Variants in CDH12 observed in about 807,000 individuals in gnomAD.
The protein encoded by CDH12 is cadherin 12.
In CDH12, 41 loss-of-function variants were observed where a neutral mutation model predicts 74.1. The ratio of observed to expected loss-of-function variants is 0.55; its 90% confidence interval spans 0.43 to 0.72. The LOEUF (loss-of-function observed/expected upper bound fraction) is 0.72. CDH12 is among the 30% of genes least tolerant of loss of function. CDH12 has a pLI of 0.00. For missense variants in CDH12, 945 were observed against 977.2 expected, an observed-to-expected ratio of 0.97 and a Z score of 0.44; for synonymous variants, 399 against 355.0, an observed-to-expected ratio of 1.12 and a Z score of -1.39.
chr5:22,603,263 T>A (rs1194010343), intron 1 of CDH12, among the ~76,000 whole-genome samples: 5 of 152,098 alleles, frequency 3.3e-5, no homozygotes, highest in Non-Finnish European at 7.4e-5. Context: ...AATAAATGCA[T>A]GCATAAATAA....
At chr5:22,532,375 A>ATATATATATATATATATATG (rs1178546849) in intron 1 of CDH12, among the ~76,000 whole-genome samples, 3 of 75,846 alleles carry the variant, frequency 4.0e-5, no homozygotes, top group African/African-American at 9.1e-5. Context: ...ATATATATAT[A>ATATATATATATATATATATG]TATGTATGTA....
intron 5 of CDH12, among the ~76,000 whole-genome samples, chr5:22,047,980 C>G (rs537544767): frequency 6.6e-6 from 1 of 152,098 alleles, no homozygotes; most frequent in Non-Finnish European, 1.5e-5. Flanking sequence ...TTTTGAGAGA[C>G]TTCATATTGT....
intron 1 of CDH12, among the ~76,000 whole-genome samples, chr5:22,598,015 A>G (rs1047221388): frequency 1.3e-5 from 2 of 152,172 alleles, no homozygotes; most frequent in African/African-American, 2.4e-5. Context: ...TCTACTCCCA[A>G]TCAGTTGACT....
intron 5 of CDH12, among the ~76,000 whole-genome samples, chr5:22,056,165 G>C (rs1740730795): frequency 6.6e-6 from 1 of 151,960 alleles, no homozygotes; most frequent in South Asian, 2.1e-4. Context: ...CTTTTAATGG[G>C]TTTAAAATTT....
At chr5:22,060,935 A>G (rs1000648625) in intron 5 of CDH12, among the ~76,000 whole-genome samples, 3 of 152,056 alleles carry the variant, frequency 2.0e-5, no homozygotes, top group South Asian at 2.1e-4. Flanking sequence ...CTTTGCCCCT[A>G]TGTTACTTGA....
chr5:22,124,512 C>A (rs1655983774), intron 4 of CDH12, among the ~76,000 whole-genome samples: 1 of 152,112 alleles, frequency 6.6e-6, no homozygotes, highest in Admixed American at 6.5e-5. Flanking sequence ...GTTGTTTTAA[C>A]CTCTAACTTC....
At chr5:22,733,384 G>T (rs1744529869) in intron 1 of CDH12, among the ~76,000 whole-genome samples, 2 of 150,806 alleles carry the variant, frequency 1.3e-5, no homozygotes, top group Admixed American at 6.6e-5. Context: ...CAAAAAATAT[G>T]CATTTATATG....
intron 3 of CDH12, among the ~76,000 whole-genome samples, chr5:22,303,418 A>T (rs1737974455): frequency 6.6e-6 from 1 of 152,142 alleles, no homozygotes; most frequent in East Asian, 1.9e-4. Context: ...TATATTATCA[A>T]TGCAACAATT....
chr5:22,649,869 A>C (rs1364095495), intron 1 of CDH12, among the ~76,000 whole-genome samples: 1 of 152,000 alleles, frequency 6.6e-6, no homozygotes, highest in African/African-American at 2.4e-5. Context: ...AACACCATCT[A>C]TGGCAGCACT....
chr5:22,717,969 T>A lies in CDH12; in HGVS notation c.-523+135089A>T, dbSNP rs1743668611. ...TTCTGTTTTAATTGAGATAATTTTCTGTCTTTTGGCCTGTGTGTTTAATTT... is the reference window on the plus strand; with the variant it reads ...TTCTGTTTTAATTGAGATAATTTTCAGTCTTTTGGCCTGTGTGTTTAATTT... On this transcript the variant is annotated intron_variant, in intron 1 of 14. Coordinates refer to ENST00000382254, the MANE Select transcript of CDH12 (RefSeq NM_004061.5). Among the ~76,000 whole-genome samples the A allele has an allele frequency of 2.0e-5, 3 of 152,342 alleles. No homozygotes were observed. In the South Asian group the frequency reaches 6.2e-4, roughly 32 times the overall value.
At chr5:22,715,450 A>T (rs423283) in intron 1 of CDH12, among the ~76,000 whole-genome samples, 126,046 of 152,128 alleles carry the variant, frequency 0.83, 52,337 homozygotes, top group Non-Finnish European at 0.86. Context: ...GCTGCTACTC[A>T]GTACCAAATA....
chr5:22,594,598 G>T (rs1423252894), intron 1 of CDH12, among the ~76,000 whole-genome samples: 1 of 151,790 alleles, frequency 6.6e-6, no homozygotes. Context: ...CTGACATAGA[G>T]TATAAGCTCA....
At chr5:22,747,540 A>C (rs748999798) in intron 1 of CDH12, among the ~76,000 whole-genome samples, 11 of 136,824 alleles carry the variant, frequency 8.0e-5, no homozygotes, top group Non-Finnish European at 1.4e-4. Flanking sequence ...TGGGAGGTGG[A>C]GGTTGCAGTG....
intron 1 of CDH12, among the ~76,000 whole-genome samples, chr5:22,541,885 T>C (rs1301586234): frequency 3.3e-5 from 5 of 152,188 alleles, no homozygotes; most frequent in African/African-American, 1.2e-4. Flanking sequence ...CTTCCAGGAC[T>C]TGAACCCAGT....
At chr5:22,054,405 C>A (rs1233064524) in intron 5 of CDH12, among the ~76,000 whole-genome samples, 1 of 152,038 alleles carries the variant, frequency 6.6e-6, no homozygotes, top group Non-Finnish European at 1.5e-5. Flanking sequence ...TTTAACTGGA[C>A]ACCTCTCATT....
intron 3 of CDH12, among the ~76,000 whole-genome samples, chr5:22,300,510 A>G (rs967171896): frequency 6.6e-6 from 1 of 152,206 alleles, no homozygotes; most frequent in Non-Finnish European, 1.5e-5. Context: ...TACAGCTGTC[A>G]CTTTCAAATA....
chr5:21,876,617 A>G (rs1429335196), intron 6 of CDH12, among the ~76,000 whole-genome samples: 2 of 152,152 alleles, frequency 1.3e-5, no homozygotes, highest in East Asian at 1.9e-4. Context: ...AATGTTTACT[A>G]TTTCTCACCT....
chr5:22,094,535 G>A (rs756063382), intron 4 of CDH12, among the ~76,000 whole-genome samples: 2 of 152,162 alleles, frequency 1.3e-5, no homozygotes, highest in African/African-American at 2.4e-5. Flanking sequence ...ACAGTAGGGG[G>A]TGGCATGGCC....
intron 6 of CDH12, among the ~76,000 whole-genome samples, chr5:21,894,382 G>GAAAAAAAAA (rs376989106): frequency 1.4e-5 from 1 of 73,434 alleles, no homozygotes; most frequent in Admixed American, 1.7e-4. Flanking sequence ...CCGTCTCAAA[G>GAAAAAAAAA]AAAAAAAAAA....
Sources: gnomAD v4.1 joint callset for allele counts (sites outside exome capture counted in the v4.1 genomes callset) on GRCh38, gnomAD v4.1.1 for gene constraint, MANE v1.5 for transcripts, NCBI Gene and HGNC (gene_info 2026-07-23, HGNC 2026-07-21) for gene names.